Variants in VWA5A observed in about 807,000 individuals in gnomAD.
VWA5A encodes the protein von Willebrand factor A domain-containing protein 5A.
In VWA5A, 77 loss-of-function variants were observed where a neutral mutation model predicts 84.6. That is an observed-to-expected ratio of 0.91 (90% CI 0.76 to 1.10). VWA5A has a LOEUF of 1.10. Ranked by LOEUF, VWA5A falls within the 50% of genes least tolerant of loss-of-function variation. The pLI is 0.00. For synonymous variants in VWA5A, 334 were observed against 350.1 expected, an observed-to-expected ratio of 0.95 and a Z score of 0.51; for missense variants, 973 against 963.0, an observed-to-expected ratio of 1.01 and a Z score of -0.14.
intron 10 of VWA5A, 113 bp from the exon 11 acceptor site, chr11:124,124,124 T>C: frequency 9.7e-7 from 1 of 1,035,112 alleles, no homozygotes; most frequent in Non-Finnish European, 1.4e-6. Flanking sequence ...CATGCCTCTT[T>C]GAAGAGGCAC....
intron 11 of VWA5A, among the ~76,000 whole-genome samples, chr11:124,125,473 T>TG (rs1865006441): frequency 6.6e-6 from 1 of 152,080 alleles, no homozygotes; most frequent in African/African-American, 2.4e-5. Context: ...TTAGTAGAGA[T>TG]GGGGTTTCAC....
intron 7 of VWA5A, among the ~76,000 whole-genome samples, chr11:124,120,081 A>G (rs1038100764): frequency 6.6e-6 from 1 of 152,234 alleles, no homozygotes; most frequent in Admixed American, 6.5e-5. Flanking sequence ...TGTGGTCTTC[A>G]GGACATTCAC....
intron 11 of VWA5A, among the ~76,000 whole-genome samples, chr11:124,133,491 A>G (rs1865128187): frequency 6.6e-6 from 1 of 152,168 alleles, no homozygotes; most frequent in African/African-American, 2.4e-5. Context: ...TTATCTTGGT[A>G]GACCTTTGAT....
intron 7 of VWA5A, among the ~76,000 whole-genome samples, chr11:124,122,255 C>T (rs773691840): frequency 6.6e-6 from 1 of 152,214 alleles, no homozygotes; most frequent in African/African-American, 2.4e-5. Context: ...ATTTCAATTC[C>T]TGTATCAGCC....
rs552918290 is a variant in VWA5A at position 124,122,954 on chromosome 11, G to T, written c.761-6G>T. 2 of 1,611,816 alleles carry T rather than the reference G, an allele frequency of 1.2e-6. No homozygotes were observed. The highest frequency in any genetic ancestry group is 2.7e-5 in the African/African-American group (2 of 74,838). ...GTCTTACAGTGGCTTTATCCTTTCT[G>T]AACAGGTCATTTGATGGGAGATCCA... is the stretch of plus-strand genomic sequence containing the variant. On this transcript the variant is annotated splice_region_variant and splice_polypyrimidine_tract_variant and intron_variant, in intron 7 of 18. Transcript: ENST00000456829.
At chr11:124,123,979 G>A (rs1432319421) in intron 10 of VWA5A, among the ~76,000 whole-genome samples, 175 bp downstream of exon 10, 4 of 152,120 alleles carry the variant, frequency 2.6e-5, no homozygotes, top group Non-Finnish European at 4.4e-5. Flanking sequence ...AACTCCATGC[G>A]ATGGACACTG....
chr11:124,132,999 A>G (rs1403162482), intron 11 of VWA5A, among the ~76,000 whole-genome samples: 1 of 152,216 alleles, frequency 6.6e-6, no homozygotes, highest in African/African-American at 2.4e-5. Context: ...TTAAGCTTGT[A>G]TAATTCACAA....
chr11:124,127,606 G>T (rs1865037970), intron 11 of VWA5A, among the ~76,000 whole-genome samples: 1 of 152,186 alleles, frequency 6.6e-6, no homozygotes, highest in Non-Finnish European at 1.5e-5. Context: ...CTTCCACAAT[G>T]GTTGAACTAA....
chr11:124,118,447 T>C, intron 5 of VWA5A, 36 bp downstream of exon 5: 2 of 1,611,446 alleles, frequency 1.2e-6, no homozygotes, highest in Non-Finnish European at 8.5e-7. Context: ...TAGTGGTGGG[T>C]GACATAAATG....
chr11:124,125,615 T>C (rs571511928), intron 11 of VWA5A, among the ~76,000 whole-genome samples: 1 of 152,346 alleles, frequency 6.6e-6, no homozygotes, highest in East Asian at 1.9e-4. Flanking sequence ...ATTTTCCTGC[T>C]GATGAATGAA....
At position 124,118,404 on chromosome 11, in the gene VWA5A, G is replaced by T; in HGVS notation, c.462G>T (p.Gln154His). The T allele has an allele frequency of 1.9e-6, 3 of 1,614,220 alleles. No individual in the cohort carries two copies. The highest frequency in any genetic ancestry group is 2.5e-6 in the Non-Finnish European group (3 of 1,180,038). The change falls in exon 5 of 19, where the codon CAG becomes CAT. Residue 154 changes from glutamine to histidine, a missense_variant. By Grantham distance (24) the Gln-to-His change is conservative. Coordinates refer to ENST00000456829, the MANE Select transcript of VWA5A (RefSeq NM_001130142.2). The part of the protein sequence containing the change: ...VLPAVLNPRY[Q>H]FSGSSKDSCL... ...CAGCTGTCCTGAATCCTAGATACCA[G>T]TTCTCTGGTGAGTACCTCTCCCCTT... is the stretch of plus-strand genomic sequence containing the variant.
intron 11 of VWA5A, among the ~76,000 whole-genome samples, chr11:124,126,475 G>A (rs1277968842): frequency 6.6e-6 from 1 of 152,090 alleles, no homozygotes; most frequent in African/African-American, 2.4e-5. Flanking sequence ...ATACAACAAT[G>A]GGGGCTGGCC....
intron 17 of VWA5A, among the ~76,000 whole-genome samples, chr11:124,142,773 A>G (rs180951672): frequency 1.3e-5 from 2 of 152,314 alleles, no homozygotes; most frequent in Admixed American, 1.3e-4. Context: ...GCTAGTAGGA[A>G]TTGATGGGGT....
At chr11:124,125,261 G>A (rs1223616110) in intron 11 of VWA5A, among the ~76,000 whole-genome samples, 3 of 150,808 alleles carry the variant, frequency 2.0e-5, no homozygotes, top group African/African-American at 4.9e-5. Context: ...TTAGTTTTGT[G>A]TGTGTGTCGT....
intron 17 of VWA5A, 53 bp downstream of exon 17, chr11:124,142,625 T>C (rs1360539914): frequency 8.7e-6 from 14 of 1,607,856 alleles, no homozygotes; most frequent in Middle Eastern, 3.6e-4. Flanking sequence ...GAGGTCATCA[T>C]TGAGAATTGA....
chr11:124,136,879 T>C (rs1013294208), intron 14 of VWA5A, 136 bp from the exon 15 acceptor site: 37 of 1,303,130 alleles, frequency 2.8e-5, no homozygotes, highest in Non-Finnish European at 3.8e-5. Context: ...TTTTTATTTC[T>C]AAACCACCCA....
rs1442255998 is a variant in VWA5A, at chr11:124,123,421, A to G, written c.986A>G (p.Tyr329Cys). 4.3e-6 allele frequency: 7 copies of G among 1,614,090 alleles called. No individual in the cohort carries two copies. Among genetic ancestry groups the G allele is most frequent in the Non-Finnish European group, 5.9e-6 (7 of 1,180,014 alleles). ...CCTATAGGCTGTTATTTCAACATCT[A>G]TGGATTTGGCTCTTCCTATGAGGCA... ...SLPIGCYFNI[Y>C]GFGSSYEACF... The change falls in exon 9 of 19, where the codon TAT (tyrosine) becomes TGT (cysteine). Residue 329 changes from tyrosine to cysteine, a missense_variant. By Grantham distance (194) the Tyr-to-Cys change is radical (BLOSUM62 -2). Coordinates refer to ENST00000456829, the MANE Select transcript of VWA5A (RefSeq NM_001130142.2).
intron 11 of VWA5A, among the ~76,000 whole-genome samples, chr11:124,132,442 AT>A (rs1275578318): frequency 6.6e-6 from 1 of 151,996 alleles, no homozygotes; most frequent in East Asian, 1.9e-4. Context: ...CTTGGCCTGG[AT>A]TTTTTTGAGA....
At chr11:124,138,737 T>C (rs10437697) in intron 15 of VWA5A, among the ~76,000 whole-genome samples, 39,239 of 152,178 alleles carry the variant, frequency 0.26, 5,480 homozygotes, top group African/African-American at 0.39. Flanking sequence ...TTCCGTAGGT[T>C]GTTTCTTCAC....
Sources: allele counts gnomAD v4.1 joint callset (sites outside exome capture counted in the v4.1 genomes callset), GRCh38; gene constraint gnomAD v4.1.1; transcripts MANE v1.5; gene names NCBI Gene and HGNC (gene_info 2026-07-23, HGNC 2026-07-21).